SPAG16: variants seen among roughly 807,000 people sequenced by gnomAD.
SPAG16 encodes the protein sperm associated antigen 16.
SPAG16 carries 86 observed loss-of-function variants against 80.4 expected under a neutral mutation model. The observed-to-expected ratio is 1.07, with a 90% CI of 0.90 to 1.28. SPAG16 has a LOEUF of 1.28. Among genes scored for constraint, SPAG16 ranks in the 50% most tolerant of loss-of-function variants. SPAG16 has a pLI of 0.00. For missense variants in SPAG16, 870 were observed against 765.3 expected, an observed-to-expected ratio of 1.14 and a Z score of -1.61; for synonymous variants, 294 against 265.9, an observed-to-expected ratio of 1.11 and a Z score of -1.03.
chr2:214,156,241 C>A (rs958732832), intron 15 of SPAG16, among the ~76,000 whole-genome samples: 1 of 152,188 alleles, frequency 6.6e-6, no homozygotes, highest in Non-Finnish European at 1.5e-5. Flanking sequence ...ATTCTCATTA[C>A]ATCTGTTTTC....
chr2:213,944,485 G>A (rs548696751), intron 12 of SPAG16, among the ~76,000 whole-genome samples: 6 of 152,178 alleles, frequency 3.9e-5, no homozygotes, highest in East Asian at 3.9e-4. Flanking sequence ...ATAACTTAAC[G>A]GGTTTCACAC....
chr2:214,185,796 G>T (rs1912196), intron 15 of SPAG16, among the ~76,000 whole-genome samples: 28,578 of 152,022 alleles, frequency 0.19, 3,122 homozygotes, highest in Non-Finnish European at 0.25. Context: ...AGAGAGCAGA[G>T]GGACCTGACC....
chr2:213,406,739 C>G (rs77248722), intron 9 of SPAG16, among the ~76,000 whole-genome samples: 2,161 of 152,014 alleles, frequency 0.014, 24 homozygotes, highest in South Asian at 0.038. Context: ...ATTTTATATG[C>G]GAGTGCAATT....
At chr2:213,439,567 A>T (rs1043238261) in intron 9 of SPAG16, among the ~76,000 whole-genome samples, 1 of 152,226 alleles carries the variant, frequency 6.6e-6, no homozygotes, top group Non-Finnish European at 1.5e-5. Context: ...TTCTAAGTAT[A>T]CTGTTCAAGG....
At chr2:214,377,714 C>A (rs1700212412) in intron 15 of SPAG16, among the ~76,000 whole-genome samples, 1 of 152,116 alleles carries the variant, frequency 6.6e-6, no homozygotes, top group Non-Finnish European at 1.5e-5. Context: ...GCACCCCTAA[C>A]CCCTGAGTAT....
chr2:213,915,334 G>T (rs949793428), intron 11 of SPAG16, among the ~76,000 whole-genome samples: 1 of 151,218 alleles, frequency 6.6e-6, no homozygotes, highest in African/African-American at 2.4e-5. Flanking sequence ...CTGCGTCCAT[G>T]TGTTCTCATT....
At chr2:214,401,468 T>C (rs1320832912) in intron 15 of SPAG16, among the ~76,000 whole-genome samples, 1 of 151,974 alleles carries the variant, frequency 6.6e-6, no homozygotes, top group Non-Finnish European at 1.5e-5. Context: ...ATATTTGTGA[T>C]AAATTTCTTA....
chr2:213,727,252 T>C (rs1044883489), intron 10 of SPAG16, among the ~76,000 whole-genome samples: 2 of 152,210 alleles, frequency 1.3e-5, no homozygotes, highest in Non-Finnish European at 2.9e-5. Flanking sequence ...AATTAAGTAG[T>C]AACTGAAATA....
chr2:213,492,908 A>G (rs1168556005), intron 10 of SPAG16, among the ~76,000 whole-genome samples: 1 of 152,082 alleles, frequency 6.6e-6, no homozygotes, highest in Non-Finnish European at 1.5e-5. Context: ...TACACACACT[A>G]TGTCTGACCT....
intron 9 of SPAG16, among the ~76,000 whole-genome samples, chr2:213,472,664 T>C (rs2073145277): frequency 6.6e-6 from 1 of 152,194 alleles, no homozygotes; most frequent in African/African-American, 2.4e-5. Context: ...TAAGTATGTC[T>C]ATGCCAATTA....
chr2:213,340,366 C>G (rs1165828832), intron 6 of SPAG16, 96 bp downstream of exon 6: 5 of 863,334 alleles, frequency 5.8e-6, no homozygotes, highest in Middle Eastern at 3.3e-4. Flanking sequence ...TTATTAATTC[C>G]ACGGTTATTG....
chr2:213,794,418 T>G (rs2070893430), intron 10 of SPAG16, among the ~76,000 whole-genome samples: 1 of 152,242 alleles, frequency 6.6e-6, no homozygotes, highest in East Asian at 1.9e-4. Context: ...GTATCTAGGC[T>G]CTCTGTAAAT....
chr2:213,487,604 CT>C, intron 9 of SPAG16, among the ~76,000 whole-genome samples: 1 of 152,056 alleles, frequency 6.6e-6, no homozygotes, highest in East Asian at 1.9e-4. Context: ...CGATGTAAAT[CT>C]TTTTTTAAAT....
intron 10 of SPAG16, among the ~76,000 whole-genome samples, chr2:213,491,145 T>C (rs1304238864): frequency 2.0e-5 from 3 of 152,194 alleles, no homozygotes. Context: ...ATTGAAAAGG[T>C]CTGTTAGTAA....
In SPAG16 at chr2:214,230,119, C is replaced by A. The variant is rs527312705; in HGVS notation, c.1720+80853C>A. The stretch of plus-strand genomic sequence containing the variant: ...ATGAAAATAAAAATTTAATATTCAG[C>A]CTCCTCATTTTAATTATTTCACAAC... On this transcript the variant is annotated intron_variant, in intron 15 of 15. Coordinates refer to ENST00000331683, the MANE Select transcript of SPAG16 (RefSeq NM_024532.5). Among the ~76,000 whole-genome samples the A allele has an allele frequency of 6.6e-5, 10 of 151,956 alleles. No individual in the cohort carries two copies. In the South Asian group the frequency reaches 2.1e-3, roughly 32 times the overall value.
At chr2:213,751,229 T>G (rs2068063908) in intron 10 of SPAG16, among the ~76,000 whole-genome samples, 1 of 152,164 alleles carries the variant, frequency 6.6e-6, no homozygotes, top group Non-Finnish European at 1.5e-5. Flanking sequence ...TTTTTAGGGC[T>G]GACATAGTTA....
At position 214,081,920 on chromosome 2, in the gene SPAG16, C is replaced by G. The variant is rs147529235; in HGVS notation, c.1528-26276C>G. Reference sequence around the variant, plus strand: ...AGGGTGGGGCAAATTGTGACCATCTCTGCCTAAATCATTAGAACTCAAGAG... The same window carrying G: ...AGGGTGGGGCAAATTGTGACCATCTGTGCCTAAATCATTAGAACTCAAGAG... On this transcript the variant is annotated intron_variant, in intron 13 of 15. Coordinates refer to ENST00000331683, the MANE Select transcript of SPAG16 (RefSeq NM_024532.5). Among the ~76,000 whole-genome samples the G allele has an allele frequency of 1.1e-3, 174 of 151,846 alleles. 1 individual carries two copies. The highest frequency in any genetic ancestry group is 4.1e-3 in the African/African-American group (170 of 41,428).
chr2:213,328,859 C>T (rs569048483), intron 5 of SPAG16, among the ~76,000 whole-genome samples: 57 of 152,202 alleles, frequency 3.7e-4, no homozygotes, highest in African/African-American at 1.2e-3. Context: ...TGAATTCCCA[C>T]GTGTTGAGGG....
intron 15 of SPAG16, among the ~76,000 whole-genome samples, chr2:214,315,068 T>C (rs558638937): frequency 6.6e-6 from 1 of 152,214 alleles, no homozygotes; most frequent in East Asian, 1.9e-4. Flanking sequence ...CCTGGTTTCA[T>C]TTATTTTGTT....
Sources: gnomAD v4.1 joint callset for allele counts (sites outside exome capture counted in the v4.1 genomes callset) on GRCh38, gnomAD v4.1.1 for gene constraint, MANE v1.5 for transcripts, NCBI Gene and HGNC (gene_info 2026-07-23, HGNC 2026-07-21) for gene names.